COL24A1: variants seen among roughly 807,000 people sequenced by gnomAD.
The protein encoded by COL24A1 is collagen type XXIV alpha 1 chain, also known as collagen alpha-1(XXIV) chain.
In COL24A1, 224 loss-of-function variants were observed where a neutral mutation model predicts 253.9. The observed-to-expected ratio is 0.88, with a 90% CI of 0.79 to 0.99. The LOEUF (loss-of-function observed/expected upper bound fraction) is 0.99, where lower values mean the gene tolerates loss of function less well. Ranked by LOEUF, COL24A1 falls within the 50% of genes least tolerant of loss-of-function variation. The pLI is 0.00. For missense variants in COL24A1, 2,131 were observed against 2,068.5 expected (o/e 1.03, Z -0.59); for synonymous variants, 685 against 673.7 (o/e 1.02, Z -0.26).
chr1:86,074,960 C>A (rs1399024552), intron 7 of COL24A1, among the ~76,000 whole-genome samples: 1 of 152,010 alleles, frequency 6.6e-6, no homozygotes, highest in African/African-American at 2.4e-5. Context: ...AATCAACACC[C>A]TAACCTCACA....
At chr1:86,121,637 T>C (rs61802245) in intron 3 of COL24A1, among the ~76,000 whole-genome samples, 5,664 of 152,062 alleles carry the variant, frequency 0.037, 187 homozygotes, top group Admixed American at 0.087. Context: ...AATGAAGGGA[T>C]AGGAATATAT....
intron 23 of COL24A1, among the ~76,000 whole-genome samples, chr1:85,963,127 A>G (rs1465169845): frequency 6.6e-6 from 1 of 152,050 alleles, no homozygotes; most frequent in East Asian, 1.9e-4. Context: ...TTGCATTTCT[A>G]TTGAATAGTG....
At chr1:85,786,560 C>T (rs1669709465) in intron 47 of COL24A1, 99 bp from the exon 48 acceptor site, 1 of 982,648 alleles carries the variant, frequency 1.0e-6, no homozygotes, top group Non-Finnish European at 1.5e-6. Flanking sequence ...CGAAAGGCGT[C>T]TGTTAACATA....
intron 43 of COL24A1, among the ~76,000 whole-genome samples, chr1:85,826,598 C>T (rs1674380257): frequency 6.6e-6 from 1 of 150,926 alleles, no homozygotes; most frequent in South Asian, 2.1e-4. Flanking sequence ...TCTTTTATTT[C>T]ATTGAGCAGT....
chr1:86,025,067 T>C (rs1697896742), intron 14 of COL24A1, among the ~76,000 whole-genome samples: 1 of 152,082 alleles, frequency 6.6e-6, no homozygotes, highest in Non-Finnish European at 1.5e-5. Context: ...AAAGTAAAAT[T>C]GAATACTATG....
rs1048498128 is a variant in COL24A1, at chr1:85,775,998, G to A, written c.4339-289C>T. Among the ~76,000 whole-genome samples, 6 of 152,236 alleles carry A rather than the reference G, an allele frequency of 3.9e-5. No homozygotes were observed. In the South Asian group the frequency reaches 1.2e-3, roughly 32 times the overall value. On this transcript the variant is annotated intron_variant, in intron 52 of 59. Transcript: ENST00000370571. ...TCAATTAAGTCAAAACAGCTTATCT[G>A]ACAATCATATACAAAGCAATTTAAA... is the stretch of plus-strand genomic sequence containing the variant.
intron 32 of COL24A1, 87 bp from the exon 33 acceptor site, chr1:85,877,262 T>A: frequency 1.2e-6 from 1 of 800,686 alleles, no homozygotes; most frequent in Non-Finnish European, 1.9e-6. Flanking sequence ...TTTTATAATA[T>A]AACACATAAC....
chr1:85,954,586 GC>G (rs1415399283), intron 24 of COL24A1, among the ~76,000 whole-genome samples: 9 of 152,076 alleles, frequency 5.9e-5, no homozygotes, highest in African/African-American at 2.2e-4. Flanking sequence ...TATAATATAT[GC>G]AAAGTATCTG....
At chr1:85,861,129 G>C (rs868451027) in intron 37 of COL24A1, among the ~76,000 whole-genome samples, 2 of 152,228 alleles carry the variant, frequency 1.3e-5, no homozygotes, top group Middle Eastern at 3.4e-3. Flanking sequence ...CAATGTATAA[G>C]GGTTCCAATT....
At chr1:85,789,935 C>T (rs908415187) in intron 47 of COL24A1, among the ~76,000 whole-genome samples, 1 of 152,146 alleles carries the variant, frequency 6.6e-6, no homozygotes, top group African/African-American at 2.4e-5. Context: ...TTTTGATGTA[C>T]TGCTGGATTT....
At chr1:85,779,354 T>C (rs977661059) in intron 52 of COL24A1, among the ~76,000 whole-genome samples, 8 of 152,176 alleles carry the variant, frequency 5.3e-5, no homozygotes, top group African/African-American at 1.9e-4. Context: ...TCTAAAAAAT[T>C]CTTATTTTTG....
intron 37 of COL24A1, among the ~76,000 whole-genome samples, chr1:85,863,397 T>G (rs1679392977): frequency 6.6e-6 from 1 of 152,070 alleles, no homozygotes; most frequent in Non-Finnish European, 1.5e-5. Context: ...CTTGTGCCAG[T>G]TTTCAAAGGG....
At chr1:85,921,953 C>A (rs1208112599) in intron 24 of COL24A1, among the ~76,000 whole-genome samples, 1 of 152,108 alleles carries the variant, frequency 6.6e-6, no homozygotes, top group East Asian at 1.9e-4. Context: ...CTAGAATAAA[C>A]AATGTAGAGA....
chr1:85,855,356 T>C (rs1259566079), intron 37 of COL24A1, among the ~76,000 whole-genome samples: 5 of 152,174 alleles, frequency 3.3e-5, no homozygotes, highest in Non-Finnish European at 5.9e-5. Flanking sequence ...GGGTTTGTCA[T>C]AGATGACAGT....
At chr1:85,872,985 C>T (rs1323758279) in intron 35 of COL24A1, among the ~76,000 whole-genome samples, 5 of 152,170 alleles carry the variant, frequency 3.3e-5, no homozygotes, top group African/African-American at 1.2e-4. Context: ...CTCAAACAAA[C>T]TTACAAGAAA....
Position 85,734,851 on chromosome 1 carries a change from T to C in COL24A1, c.4896A>G (p.Gln1632=). Residue 1632 remains glutamine (Q), a synonymous_variant, in exon 59 of 60, where the codon CAA becomes CAG. Coordinates refer to ENST00000370571, the MANE Select transcript of COL24A1 (RefSeq NM_152890.7). ...CAATAGGCAATCCTGGGCCACTTGTTTGTGTGCTTGTCCACCTTGGGGTGT... is the reference window on the plus strand; with the variant it reads ...CAATAGGCAATCCTGGGCCACTTGTCTGTGTGCTTGTCCACCTTGGGGTGT... ...CLNTPRWTST[Q]TSGPGLPIGF... 1 of 1,614,198 alleles carries C rather than the reference T, an allele frequency of 6.2e-7. No individual in the cohort carries two copies. Among genetic ancestry groups the C allele is most frequent in the East Asian group, 2.2e-5 (1 of 44,886 alleles).
At chr1:85,773,990 T>C (rs1016568840) in intron 53 of COL24A1, among the ~76,000 whole-genome samples, 3 of 152,224 alleles carry the variant, frequency 2.0e-5, no homozygotes, top group African/African-American at 7.2e-5. Context: ...CTATTCAGTA[T>C]GATATTGGCT....
intron 52 of COL24A1, among the ~76,000 whole-genome samples, chr1:85,779,443 T>C (rs1178408508): frequency 6.6e-6 from 1 of 152,198 alleles, no homozygotes; most frequent in African/African-American, 2.4e-5. Context: ...GTTGTAGTCA[T>C]CTTGCTATAA....
chr1:86,071,001 A>G (rs186613769), intron 7 of COL24A1, among the ~76,000 whole-genome samples: 8 of 152,320 alleles, frequency 5.3e-5, no homozygotes, highest in African/African-American at 1.2e-4. Context: ...AGATTAAATG[A>G]AAAACCAATA....
Sources: gnomAD v4.1 joint callset for allele counts (sites outside exome capture counted in the v4.1 genomes callset) on GRCh38, gnomAD v4.1.1 for gene constraint, MANE v1.5 for transcripts, NCBI Gene and HGNC (gene_info 2026-07-23, HGNC 2026-07-21) for gene names.